The following NTRK2 variants were observed in gnomAD, a reference collection of about 807,000 sequenced individuals.
NTRK2 encodes the protein BDNF/NT-3 growth factors receptor.
In NTRK2, 13 loss-of-function variants were observed where a neutral mutation model predicts 94.5. That is an observed-to-expected ratio of 0.14 (90% CI 0.09 to 0.22). The LOEUF is 0.22. Among genes scored for constraint, NTRK2 ranks in the 10% least tolerant of loss-of-function variants. NTRK2 has a pLI of 1.00. For synonymous variants in NTRK2, 372 were observed against 407.4 expected (o/e 0.91, Z 1.05); for missense variants, 639 against 1,071.2 (o/e 0.60, Z 5.63).
intron 2 of NTRK2, among the ~76,000 whole-genome samples, chr9:84,676,311 T>C (rs772918500): frequency 3.3e-5 from 5 of 152,188 alleles, no homozygotes; most frequent in Non-Finnish European, 7.3e-5. Context: ...TGATACAAGG[T>C]GCTCGGGGTC....
intron 12 of NTRK2, among the ~76,000 whole-genome samples, chr9:84,823,886 T>C (rs980710905): frequency 1.3e-5 from 2 of 152,172 alleles, no homozygotes; most frequent in African/African-American, 4.8e-5. Context: ...ACAACAGCCC[T>C]GAGTAGATAC....
At chr9:84,742,063 C>A (rs2063691710) in intron 10 of NTRK2, 136 bp downstream of exon 10, 3 of 763,940 alleles carry the variant, frequency 3.9e-6, no homozygotes, top group South Asian at 3.3e-5. Flanking sequence ...AATAGTATTT[C>A]AAAAAATCAT....
chr9:84,958,555 T>C (rs1006898940), intron 17 of NTRK2, among the ~76,000 whole-genome samples: 1 of 152,214 alleles, frequency 6.6e-6, no homozygotes, highest in African/African-American at 2.4e-5. Flanking sequence ...GCCATGTTAA[T>C]TTCACCCCCG....
Position 84,710,669 on chromosome 9 carries a change from G to T in NTRK2, c.461G>T (p.Cys154Phe). ...GTGGGCAATCCATTTACATGCTCCT[G>T]TGACATTATGTGGATCAAGACTCTC... The part of the protein sequence containing the change: ...ILVGNPFTCS[C>F]DIMWIKTLQE... Residue 154 changes from cysteine (C) to phenylalanine (F), a missense_variant, in exon 6 of 19, where the codon TGT (cysteine) becomes TTT (phenylalanine). Cys to Phe is a radical substitution (Grantham distance 205). Coordinates refer to ENST00000277120, the MANE Select transcript of NTRK2 (RefSeq NM_006180.6). The T allele has an allele frequency of 6.2e-7, 1 of 1,614,146 alleles. No individual in the cohort carries two copies. The highest frequency in any genetic ancestry group is 8.5e-7 in the Non-Finnish European group (1 of 1,180,018).
At chr9:84,988,474 A>C (rs965406781) in intron 17 of NTRK2, among the ~76,000 whole-genome samples, 2 of 152,082 alleles carry the variant, frequency 1.3e-5, no homozygotes, top group African/African-American at 4.8e-5. Flanking sequence ...TCACTTACAC[A>C]CTCATTCATA....
At position 84,789,983 on chromosome 9, in the gene NTRK2, A is replaced by G. The variant is rs573264692; in HGVS notation, c.1396+37898A>G. ...TACCTTCTCGCTGGATTTTCGTTCAAATGTTCCACTTATTCTCCTGTCTAC... is the reference window on the plus strand; with the variant it reads ...TACCTTCTCGCTGGATTTTCGTTCAGATGTTCCACTTATTCTCCTGTCTAC... On this transcript the variant is annotated intron_variant, in intron 12 of 18. Transcript: ENST00000277120. Among the ~76,000 whole-genome samples, 5 of 152,284 alleles carry G rather than the reference A, an allele frequency of 3.3e-5. No individual in the cohort carries two copies. In the South Asian group the frequency reaches 1.0e-3, roughly 32 times the overall value.
chr9:84,671,972 T>G (rs111416334), intron 2 of NTRK2, among the ~76,000 whole-genome samples: 73 of 152,192 alleles, frequency 4.8e-4, no homozygotes, highest in Admixed American at 2.0e-4. Context: ...ACATGAGATT[T>G]TATTCGTATA....
At chr9:84,810,398 C>T in intron 12 of NTRK2, 1 of 789,078 alleles carries the variant, frequency 1.3e-6, no homozygotes, top group Non-Finnish European at 2.1e-6. Context: ...ATATATTGCT[C>T]TATGGTTTAA....
intron 12 of NTRK2, among the ~76,000 whole-genome samples, chr9:84,808,065 G>A (rs1337270180): frequency 2.6e-5 from 4 of 152,180 alleles, no homozygotes; most frequent in South Asian, 2.1e-4. Context: ...GTGGAGCTGA[G>A]ATCTACTTCT....
intron 13 of NTRK2, among the ~76,000 whole-genome samples, chr9:84,865,493 A>T (rs1385077551): frequency 6.6e-6 from 1 of 152,076 alleles, no homozygotes; most frequent in Non-Finnish European, 1.5e-5. Context: ...GGGGGATGAG[A>T]TATTATTATA....
chr9:84,995,208 G>A (rs2133353957), intron 17 of NTRK2, among the ~76,000 whole-genome samples: 2 of 152,244 alleles, frequency 1.3e-5, no homozygotes, highest in South Asian at 4.2e-4. Flanking sequence ...GCCAGCATGT[G>A]CTGTAGAAAG....
intron 16 of NTRK2, among the ~76,000 whole-genome samples, chr9:84,954,360 C>T (rs1029045920): frequency 3.9e-5 from 6 of 152,194 alleles, no homozygotes; most frequent in Non-Finnish European, 7.4e-5. Context: ...AGACGCGGAT[C>T]CTCCCACCCT....
At chr9:84,818,604 G>A (rs979456760) in intron 12 of NTRK2, among the ~76,000 whole-genome samples, 4 of 152,178 alleles carry the variant, frequency 2.6e-5, no homozygotes, top group African/African-American at 4.8e-5. Flanking sequence ...GTAATTCAGC[G>A]CTAATTAGTT....
Position 84,755,950 on chromosome 9 carries a change from G to T in NTRK2, c.1396+3865G>T, listed in dbSNP as rs74705720. Among the ~76,000 whole-genome samples the T allele has an allele frequency of 2.2e-3, 332 of 152,056 alleles. 1 individual carries two copies. The highest frequency in any genetic ancestry group is 3.4e-3 in the Non-Finnish European group (234 of 67,982). On this transcript the variant is annotated intron_variant, in intron 12 of 18. Transcript: ENST00000277120. ...AGTCAGTTTTTCCTTGTTTATTTCT[G>T]TGCCTTTACACTGTCCTATTGCTTT...
At position 84,809,882 on chromosome 9, in the gene NTRK2, GAAAA is replaced by G. The variant is rs35481612; in HGVS notation, c.1397-51141_1397-51138del. ...GGGCAACAGAGCAATACTCTGTCTG[GAAAA>G]AAAAAAAAAAAAAAAAGAAAGAAGA... On this transcript the variant is annotated intron_variant, in intron 12 of 18. Coordinates refer to ENST00000277120, the MANE Select transcript of NTRK2 (RefSeq NM_006180.6). Among the ~76,000 whole-genome samples the G allele has an allele frequency of 3.9e-3, 466 of 118,746 alleles. 3 individuals are homozygous for G. The highest frequency in any genetic ancestry group is 0.014 in the African/African-American group (429 of 31,676). The allele number at this position is 118,746 out of a possible 152,430, so 77.9% of individuals were successfully genotyped here.
At chr9:84,733,175 G>GC (rs2063011673) in intron 9 of NTRK2, among the ~76,000 whole-genome samples, 1 of 152,208 alleles carries the variant, frequency 6.6e-6, no homozygotes, top group South Asian at 2.1e-4. Flanking sequence ...TTCCATGGAA[G>GC]CCCCTTGGTG....
intron 14 of NTRK2, among the ~76,000 whole-genome samples, chr9:84,930,320 C>T (rs1401713489): frequency 1.3e-5 from 2 of 152,144 alleles, no homozygotes; most frequent in South Asian, 2.1e-4. Flanking sequence ...TTTCTGAGCT[C>T]GGCCCCTGAG....
chr9:84,908,252 A>C lies in NTRK2; in HGVS notation c.1634-25910A>C, dbSNP rs558252126. Among the ~76,000 whole-genome samples the C allele has an allele frequency of 3.3e-5, 5 of 152,372 alleles. No individual in the cohort carries two copies. The East Asian group carries it at 9.6e-4, about 29-fold the overall frequency. Reference sequence around the variant, plus strand: ...CATACATCTGATGAACAAATGACTCAATGAGCAAGAAAACTGAGGTGAAGC... The same window carrying C: ...CATACATCTGATGAACAAATGACTCCATGAGCAAGAAAACTGAGGTGAAGC... On this transcript the variant is annotated intron_variant, in intron 14 of 18. Transcript: ENST00000277120.
chr9:84,800,019 A>G (rs184955510), intron 12 of NTRK2, among the ~76,000 whole-genome samples: 15 of 152,286 alleles, frequency 9.8e-5, no homozygotes, highest in Admixed American at 9.8e-4. Context: ...TTTAGGTGCA[A>G]TTAGCCAGTT....
Sources: allele counts gnomAD v4.1 joint callset (sites outside exome capture counted in the v4.1 genomes callset), GRCh38; gene constraint gnomAD v4.1.1; transcripts MANE v1.5; gene names NCBI Gene and HGNC (gene_info 2026-07-23, HGNC 2026-07-21).